The following CCSER1 variants were observed in gnomAD, a reference collection of about 807,000 sequenced individuals.
CCSER1 encodes coiled-coil serine rich protein 1.
Under a neutral mutation model 82.0 loss-of-function variants are expected in CCSER1, and 41 were observed. The ratio of observed to expected loss-of-function variants is 0.50; its 90% CI spans 0.39 to 0.65. CCSER1 has a LOEUF of 0.65. Among genes scored for constraint, CCSER1 ranks in the 30% least tolerant of loss-of-function variants. The pLI is 0.00. For missense variants in CCSER1, 1,119 were observed against 1,064.2 expected (o/e 1.05, Z -0.72); for synonymous variants, 414 against 383.9 (o/e 1.08, Z -0.92).
rs192758405 is a variant in CCSER1 at position 90,576,769 on chromosome 4, C to T, written c.1725-51256C>T. On this transcript the variant is annotated intron_variant, in intron 5 of 10. Coordinates refer to ENST00000509176, the MANE Select transcript of CCSER1 (RefSeq NM_001145065.2). Reference sequence around the variant, plus strand: ...TACAGTTGATTTATCAATTCACCTACGAGAATTAGGTTGCTTTGTTGCTTC... The same window carrying T: ...TACAGTTGATTTATCAATTCACCTATGAGAATTAGGTTGCTTTGTTGCTTC... Among the ~76,000 whole-genome samples the T allele has an allele frequency of 1.4e-3, 211 of 152,214 alleles. 1 individual carries two copies. The highest frequency in any genetic ancestry group is 4.7e-3 in the African/African-American group (197 of 41,540).
At chr4:91,338,307 A>T (rs1248443977) in intron 10 of CCSER1, among the ~76,000 whole-genome samples, 1 of 152,122 alleles carries the variant, frequency 6.6e-6, no homozygotes, top group East Asian at 1.9e-4. Flanking sequence ...TGTAGGAGGC[A>T]TCATGAGAAG....
chr4:90,315,340 A>G (rs950975405), intron 3 of CCSER1, among the ~76,000 whole-genome samples: 4 of 152,192 alleles, frequency 2.6e-5, no homozygotes, highest in African/African-American at 9.7e-5. Context: ...AATATTGTAC[A>G]TGTTCATTGG....
intron 10 of CCSER1, among the ~76,000 whole-genome samples, chr4:91,528,944 G>T (rs967788713): frequency 2.0e-5 from 3 of 152,132 alleles, no homozygotes; most frequent in Admixed American, 1.3e-4. Flanking sequence ...TTAATTAATC[G>T]ATCATAATAG....
chr4:90,304,486 A>G (rs1020238639), intron 1 of CCSER1, among the ~76,000 whole-genome samples: 1 of 152,246 alleles, frequency 6.6e-6, no homozygotes, highest in Non-Finnish European at 1.5e-5. Flanking sequence ...TGATGAGTTC[A>G]TGTCCTTTGT....
chr4:90,495,468 C>T (rs1177326358), intron 5 of CCSER1, among the ~76,000 whole-genome samples: 1 of 152,128 alleles, frequency 6.6e-6, no homozygotes, highest in Non-Finnish European at 1.5e-5. Context: ...AGCTTAGCTG[C>T]ATTGACATCT....
intron 9 of CCSER1, among the ~76,000 whole-genome samples, chr4:91,081,859 A>G (rs1293761273): frequency 1.3e-5 from 2 of 152,196 alleles, no homozygotes; most frequent in East Asian, 1.9e-4. Context: ...CTTACAAGGG[A>G]CGTGAAGAAC....
intron 5 of CCSER1, among the ~76,000 whole-genome samples, chr4:90,487,457 T>C (rs1310347636): frequency 6.6e-6 from 1 of 152,238 alleles, no homozygotes; most frequent in Non-Finnish European, 1.5e-5. Flanking sequence ...TACATAATAT[T>C]CCTTTCTATC....
intron 5 of CCSER1, among the ~76,000 whole-genome samples, chr4:90,542,652 A>C (rs887403631): frequency 6.6e-6 from 1 of 152,160 alleles, no homozygotes; most frequent in African/African-American, 2.4e-5. Context: ...CTTAAGAGTT[A>C]TTTTGAATAA....
At chr4:91,082,594 A>C (rs562962710) in intron 9 of CCSER1, among the ~76,000 whole-genome samples, 1 of 152,306 alleles carries the variant, frequency 6.6e-6, no homozygotes, top group Admixed American at 6.5e-5. Flanking sequence ...TCTGCACAGC[A>C]AAAGAAACTA....
intron 9 of CCSER1, among the ~76,000 whole-genome samples, chr4:91,000,739 G>C (rs913602963): frequency 6.6e-6 from 1 of 152,096 alleles, no homozygotes; most frequent in African/African-American, 2.4e-5. Flanking sequence ...AATGTTATCA[G>C]TTTATAGAAA....
intron 1 of CCSER1, among the ~76,000 whole-genome samples, chr4:90,136,912 C>A (rs995029738): frequency 6.6e-6 from 1 of 152,056 alleles, no homozygotes; most frequent in Non-Finnish European, 1.5e-5. Flanking sequence ...GACCCAAATT[C>A]ATTGTTATAA....
At chr4:90,990,019 A>C (rs1237731264) in intron 9 of CCSER1, among the ~76,000 whole-genome samples, 2 of 151,890 alleles carry the variant, frequency 1.3e-5, no homozygotes, top group Non-Finnish European at 2.9e-5. Context: ...TTTTACAACC[A>C]GATGCGACCT....
intron 1 of CCSER1, among the ~76,000 whole-genome samples, chr4:90,183,862 G>A (rs1734134276): frequency 6.6e-6 from 1 of 152,028 alleles, no homozygotes; most frequent in African/African-American, 2.4e-5. Flanking sequence ...TTGTTAATTT[G>A]AGAAGTTTCA....
intron 10 of CCSER1, among the ~76,000 whole-genome samples, chr4:91,439,926 A>G (rs1754991550): frequency 6.6e-6 from 1 of 152,210 alleles, no homozygotes; most frequent in Non-Finnish European, 1.5e-5. Flanking sequence ...TATCCTAAAT[A>G]TATATGCACC....
At chr4:90,596,153 C>G (rs1783305398) in intron 5 of CCSER1, among the ~76,000 whole-genome samples, 1 of 151,814 alleles carries the variant, frequency 6.6e-6, no homozygotes, top group Non-Finnish European at 1.5e-5. Flanking sequence ...AAACTATTTC[C>G]TCCTTTAAAA....
At chr4:91,135,133 T>C (rs1031360683) in intron 10 of CCSER1, among the ~76,000 whole-genome samples, 56 of 152,238 alleles carry the variant, frequency 3.7e-4, no homozygotes, top group African/African-American at 1.3e-3. Context: ...ACAGTAACTT[T>C]GCAGTGATGG....
chr4:91,316,862 G>T (rs932072530), intron 10 of CCSER1, among the ~76,000 whole-genome samples: 1 of 151,978 alleles, frequency 6.6e-6, no homozygotes, highest in African/African-American at 2.4e-5. Context: ...GAGTGGAATG[G>T]TGATTGCCAG....
chr4:91,161,874 T>C (rs1731439973), intron 10 of CCSER1, among the ~76,000 whole-genome samples: 1 of 152,134 alleles, frequency 6.6e-6, no homozygotes, highest in Non-Finnish European at 1.5e-5. Context: ...AATCATGTCA[T>C]CTGCAAACAG....
At chr4:91,473,990 A>G (rs72658022) in intron 10 of CCSER1, among the ~76,000 whole-genome samples, 14,382 of 152,130 alleles carry the variant, frequency 0.095, 783 homozygotes, top group Non-Finnish European at 0.12. Flanking sequence ...TAATTCATAT[A>G]TTAATGTTAA....
Sources: allele counts gnomAD v4.1 joint callset (sites outside exome capture counted in the v4.1 genomes callset), GRCh38; gene constraint gnomAD v4.1.1; transcripts MANE v1.5; gene names NCBI Gene and HGNC (gene_info 2026-07-23, HGNC 2026-07-21).